ADAMTSL4: variants seen among roughly 807,000 people sequenced by gnomAD.
The protein encoded by ADAMTSL4 is ADAMTS like 4.
In ADAMTSL4, 97 loss-of-function variants were observed where a neutral mutation model predicts 122.8. The ratio of observed to expected loss-of-function variants is 0.79; its 90% CI spans 0.67 to 0.93. The LOEUF is 0.93. Ranked by LOEUF, ADAMTSL4 falls within the 40% of genes least tolerant of loss-of-function variation. The pLI is 0.00. For synonymous variants in ADAMTSL4, 592 were observed against 568.0 expected, an observed-to-expected ratio of 1.04 and a Z score of -0.60; for missense variants, 1,408 against 1,453.5, an observed-to-expected ratio of 0.97 and a Z score of 0.51.
chr1:150,557,574 AGGCCCCCAGCCTCCCCTGAACCCTGCCAC>A lies in ADAMTSL4; in HGVS notation c.2132_2160del (p.Pro711HisfsTer96). 1.9e-6 allele frequency: 3 copies of A among 1,605,012 alleles called. No individual in the cohort carries two copies. The highest frequency in any genetic ancestry group is 2.6e-6 in the Non-Finnish European group (3 of 1,176,392). ...TGAACGCAGCTGTGCCGCGGGTGCC[AGGCCCCCAGCCTCCCCTGAACCCTGCCAC>A]GGCACCCCATGCCCCCCATAGTGAG... On this transcript the variant is annotated frameshift_variant, in exon 13 of 19. Coordinates refer to ENST00000271643, the MANE Select transcript of ADAMTSL4 (RefSeq NM_019032.6). LOFTEE classifies it high-confidence loss of function.
chr1:150,552,906 C>A lies in ADAMTSL4; in HGVS notation c.87C>A (p.Ser29=). Residue 29 remains serine, a synonymous_variant, in exon 5 of 19, where the codon TCC becomes TCA. Coordinates refer to ENST00000271643, the MANE Select transcript of ADAMTSL4 (RefSeq NM_019032.6). This position sits in a 1 kb window ranked among gnomAD's most constrained non-coding sequence, Gnocchi z 4.0. ...PQLCLDQEVL[S]GHSLQTPTEE... is the part of the protein sequence containing the mutation. ...CCTTTTTCTCTATATAGGTGTTGTC[C>A]GGACACTCTCTTCAGACACCTACAG... 6.2e-7 allele frequency: 1 copy of A among 1,612,574 alleles called. No individual in the cohort carries two copies. The highest frequency in any genetic ancestry group is 8.5e-7 in the Non-Finnish European group (1 of 1,179,920).
In ADAMTSL4 at chr1:150,557,158, A is replaced by T; in HGVS notation, c.1870A>T (p.Arg624Trp). The T allele has an allele frequency of 6.2e-7, 1 of 1,612,094 alleles. No homozygotes were observed. The highest frequency in any genetic ancestry group is 8.5e-7 in the Non-Finnish European group (1 of 1,179,770). The change falls in exon 12 of 19, where the codon AGG becomes TGG. Residue 624 changes from arginine to tryptophan, a missense_variant. Coordinates refer to ENST00000271643, the MANE Select transcript of ADAMTSL4 (RefSeq NM_019032.6). ...CCTGCTCCCCTGCACAGAGATTCTG[A>T]GGGTGGAGCCCCCACTTGCTCCGGC... ...PVPQLQPEIL[R>W]VEPPLAPAPR...
At chr1:150,553,404 C>T (rs753461386) in intron 5 of ADAMTSL4, 22 bp from the exon 6 acceptor site, 5 of 1,613,298 alleles carry the variant, frequency 3.1e-6, no homozygotes, top group East Asian at 2.2e-5. Flanking sequence ...GCTGTGCCCC[C>T]ACATCTGAAA....
At chr1:150,555,876 C>T in intron 8 of ADAMTSL4, 1 of 603,564 alleles carries the variant, frequency 1.7e-6, no homozygotes, top group African/African-American at 1.8e-5. Context: ...CACATGCACA[C>T]ATGCACACAC....
intron 14 of ADAMTSL4, 24 bp from the exon 15 acceptor site, chr1:150,558,449 C>T (rs912711512): frequency 8.7e-6 from 14 of 1,612,442 alleles, no homozygotes; most frequent in Non-Finnish European, 1.2e-5. Flanking sequence ...AGCCCAGCTC[C>T]CTGGATTCCC....
At position 150,559,167 on chromosome 1, in the gene ADAMTSL4, T is replaced by G. The variant is rs751109501; in HGVS notation, c.2763+2T>G. 6 of 1,611,940 alleles carry G rather than the reference T, an allele frequency of 3.7e-6. No individual in the cohort carries two copies. Among genetic ancestry groups the G allele is most frequent in the Non-Finnish European group, 3.4e-6 (4 of 1,179,536 alleles). Reference sequence around the variant, plus strand: ...TGGTACACAGGGCCCTGGGGTGAGGTAAGCTGAGCGCCTGCTGAGAGCAGG... The same window carrying G: ...TGGTACACAGGGCCCTGGGGTGAGGGAAGCTGAGCGCCTGCTGAGAGCAGG... On this transcript the variant is annotated splice_donor_variant, in intron 16 of 18. Coordinates refer to ENST00000271643, the MANE Select transcript of ADAMTSL4 (RefSeq NM_019032.6). LOFTEE classifies it high-confidence loss of function. The surrounding 1 kb of genome is among the most constrained non-coding windows in gnomAD (Gnocchi z 4.1).
In ADAMTSL4 at chr1:150,552,119, C is replaced by T. The variant is rs979132244; in HGVS notation, c.-84-86C>T. 5 of 678,514 alleles carry T rather than the reference C, an allele frequency of 7.4e-6. No homozygotes were observed. The highest frequency in any genetic ancestry group is 7.2e-5 in the African/African-American group (4 of 55,238). 42.0% of individuals were successfully genotyped at this position (678,514 alleles called of 1,614,324 possible). ...CCTAAAGGGATGGACCAGTTTCACC[C>T]CCTCCTCCATATTCTCTGAGCTGTC... On this transcript the variant is annotated intron_variant, in intron 2 of 18. Coordinates refer to ENST00000271643, the MANE Select transcript of ADAMTSL4 (RefSeq NM_019032.6). This position sits in a 1 kb window ranked among gnomAD's most constrained non-coding sequence, Gnocchi z 4.0.
Position 150,556,092 on chromosome 1 carries a change from G to T in ADAMTSL4, c.1372-70G>T. 6.4e-7 allele frequency: 1 copy of T among 1,570,432 alleles called. No individual in the cohort carries two copies. Among genetic ancestry groups the T allele is most frequent in the South Asian group, 1.1e-5 (1 of 90,058 alleles). ...AGCAGGGTAGTGAGCTGAGGCTCCC[G>T]AGGGGACCGGGGTGGGGTTGAGGTG... is the stretch of plus-strand genomic sequence containing the variant. On this transcript the variant is annotated intron_variant, in intron 8 of 18. Transcript: ENST00000271643. The surrounding 1 kb of genome is among the most constrained non-coding windows in gnomAD (Gnocchi z 4.1).
Position 150,560,054 on chromosome 1 carries a change from C to A in ADAMTSL4, c.3089-6C>A. ...TCTTGTGCCCACTGGCCTCCTCTGT[C>A]CCCAGATGATCAATGCAAGGACAGC... is the stretch of plus-strand genomic sequence containing the variant. On this transcript the variant is annotated splice_polypyrimidine_tract_variant and splice_region_variant and intron_variant, in intron 18 of 18. Transcript: ENST00000271643. 6.2e-7 allele frequency: 1 copy of A among 1,614,086 alleles called. No homozygotes were observed. The highest frequency in any genetic ancestry group is 8.5e-7 in the Non-Finnish European group (1 of 1,180,028).
intron 8 of ADAMTSL4, chr1:150,555,961 G>A: frequency 1.6e-6 from 1 of 634,996 alleles, no homozygotes; most frequent in East Asian, 2.7e-5. Context: ...CACCTGCCAA[G>A]CTGCGCTGAG....
rs1407692037 is a variant in ADAMTSL4, at chr1:150,560,793, C to G, written c.*597C>G. ...ACTGCCTCTCCAGAGCAAGGCCCAG[C>G]TGGGCAGAGGGTGAAAAAGAGAAAT... On this transcript the variant is annotated 3_prime_UTR_variant, in exon 19 of 19. Coordinates refer to ENST00000271643, the MANE Select transcript of ADAMTSL4 (RefSeq NM_019032.6). 6.2e-6 allele frequency: 1 copy of G among 160,472 alleles called. No homozygotes were observed. The highest frequency in any genetic ancestry group is 1.4e-5 in the Non-Finnish European group (1 of 72,308). The allele number at this position is 160,472 out of a possible 1,614,324, so 9.9% of individuals were successfully genotyped here.
In ADAMTSL4 at chr1:150,549,988, G is replaced by A; in HGVS notation, c.-85+93G>A. 1 of 223,428 alleles carries A rather than the reference G, an allele frequency of 4.5e-6. No homozygotes were observed. Among genetic ancestry groups the A allele is most frequent in the South Asian group, 3.7e-5 (1 of 27,340 alleles). 13.8% of individuals were successfully genotyped at this position (223,428 alleles called of 1,614,324 possible). A position where few individuals can be genotyped will look rare whatever the true frequency, so the allele number is the denominator to read the frequency against. On this transcript the variant is annotated intron_variant, in intron 2 of 18. Coordinates refer to ENST00000271643, the MANE Select transcript of ADAMTSL4 (RefSeq NM_019032.6). The surrounding 1 kb of genome is among the most constrained non-coding windows in gnomAD (Gnocchi z 5.0). ...GGGTGGCCTGCCAGACCCAGGAGTG[G>A]AGGGCTCTGAGGGCCCGGGAATTCG...
chr1:150,557,852 C>T, intron 13 of ADAMTSL4, 93 bp from the exon 14 acceptor site: 1 of 1,489,368 alleles, frequency 6.7e-7, no homozygotes, highest in Non-Finnish European at 9.0e-7. Context: ...CTGAGGCCCC[C>T]ACGTCCAGTG....
chr1:150,556,276 G>A lies in ADAMTSL4; in HGVS notation c.1486G>A (p.Gly496Ser). 6.2e-7 allele frequency: 1 copy of A among 1,614,142 alleles called. No homozygotes were observed. The highest frequency in any genetic ancestry group is 1.1e-5 in the South Asian group (1 of 91,078). ...LVSGNLTDRG[G>S]PLGYQKILWI... ...TTCGGGGAACCTCACTGACCGAGGG[G>A]GCCCCCTGGGCTATCAGAAGATCTT... Residue 496 changes from glycine (G) to serine (S), a missense_variant, in exon 9 of 19, where the codon GGC becomes AGC. Physicochemically the swap from Gly to Ser is moderately conservative, Grantham distance 56. Coordinates refer to ENST00000271643, the MANE Select transcript of ADAMTSL4 (RefSeq NM_019032.6). The surrounding 1 kb of genome is among the most constrained non-coding windows in gnomAD (Gnocchi z 4.1).
rs1262170998 is a variant in ADAMTSL4 at position 150,552,244 on chromosome 1, G to C, written c.-45G>C. 3.4e-5 allele frequency: 53 copies of C among 1,547,696 alleles called. No individual in the cohort carries two copies. Among genetic ancestry groups the C allele is most frequent in the Non-Finnish European group, 4.5e-5 (52 of 1,144,316 alleles). On this transcript the variant is annotated 5_prime_UTR_variant, in exon 3 of 19. Coordinates refer to ENST00000271643, the MANE Select transcript of ADAMTSL4 (RefSeq NM_019032.6). The surrounding 1 kb of genome is among the most constrained non-coding windows in gnomAD (Gnocchi z 4.0). ...GCCCAGATGCCTGCGTAGTTTTTGT[G>C]ACCAGTCCGCTCCTGCCTCCCCCTG...
chr1:150,554,474 T>G lies in ADAMTSL4; in HGVS notation c.1234+7T>G. 6.2e-7 allele frequency: 1 copy of G among 1,613,990 alleles called. No homozygotes were observed. Among genetic ancestry groups the G allele is most frequent in the Non-Finnish European group, 8.5e-7 (1 of 1,179,930 alleles). ...TGGGAGCCCTTCACTGAAGGTGAGG[T>G]TTCTTGCTCACCCCTGGGCAGTGGT... On this transcript the variant is annotated splice_region_variant and intron_variant, in intron 7 of 18. Coordinates refer to ENST00000271643, the MANE Select transcript of ADAMTSL4 (RefSeq NM_019032.6). The surrounding 1 kb of genome is among the most constrained non-coding windows in gnomAD (Gnocchi z 4.0).
At position 150,555,699 on chromosome 1, in the gene ADAMTSL4, GCA is replaced by G. The variant is rs35233292; in HGVS notation, c.1371+137_1371+138del. The G allele has an allele frequency of 0.64, 819,930 of 1,277,866 alleles. 267,149 individuals carry two copies. Among genetic ancestry groups the G allele is most frequent in the East Asian group, 0.83 (32,836 of 39,624 alleles). 79.2% of individuals were successfully genotyped at this position (1,277,866 alleles called of 1,614,324 possible). On this transcript the variant is annotated intron_variant, in intron 8 of 18. Coordinates refer to ENST00000271643, the MANE Select transcript of ADAMTSL4 (RefSeq NM_019032.6). ...CAAGCACATACACACACGCATATGC[GCA>G]CAGACACATGCACACACGCACACAC...
At chr1:150,550,800 C>G (rs1400257616) in intron 2 of ADAMTSL4, 1 of 456,622 alleles carries the variant, frequency 2.2e-6, no homozygotes, top group Non-Finnish European at 4.4e-6. Flanking sequence ...CCCGCTCTGG[C>G]TCAGCCACTC....
chr1:150,557,796 C>A, intron 13 of ADAMTSL4, 149 bp from the exon 14 acceptor site: 2 of 1,086,708 alleles, frequency 1.8e-6, no homozygotes, highest in Non-Finnish European at 1.2e-6. Flanking sequence ...GCAGGCTGAG[C>A]CCCCCAGGAA....
Sources: gnomAD v4.1 joint callset for allele counts on GRCh38, gnomAD v4.1.1 for gene constraint, Gnocchi (gnomAD v3.1) non-coding constraint, MANE v1.5 for transcripts, NCBI Gene and HGNC (gene_info 2026-07-23, HGNC 2026-07-21) for gene names.